CNBD1: variants seen among roughly 807,000 people sequenced by gnomAD.
The protein encoded by CNBD1 is cyclic nucleotide-binding domain-containing protein 1.
CNBD1 carries 71 observed loss-of-function variants against 54.4 expected under a neutral mutation model. The observed-to-expected ratio is 1.30, with a 90% CI of 1.08 to 1.59. CNBD1 has a LOEUF of 1.59. CNBD1 is among the 40% of genes most tolerant of loss of function. The pLI, the probability that CNBD1 is intolerant of heterozygous loss-of-function variation, is 0.00. For synonymous variants in CNBD1, 182 were observed against 170.7 expected, an observed-to-expected ratio of 1.07 and a Z score of -0.51; for missense variants, 659 against 518.0, an observed-to-expected ratio of 1.27 and a Z score of -2.64.
chr8:87,390,227 CA>C (rs1223084657), intron 2 of CNBD1, among the ~76,000 whole-genome samples: 1 of 152,112 alleles, frequency 6.6e-6, no homozygotes, highest in East Asian at 1.9e-4. Flanking sequence ...GTAATGGCAA[CA>C]AAAGCCAAAA....
intron 8 of CNBD1, among the ~76,000 whole-genome samples, chr8:87,328,289 G>A (rs1346307934): frequency 1.3e-5 from 2 of 151,936 alleles, no homozygotes; most frequent in African/African-American, 4.8e-5. Context: ...GACAACATAT[G>A]TGTGAATTTT....
At chr8:87,408,258 T>C (rs1162772612) in intron 2 of CNBD1, among the ~76,000 whole-genome samples, 1 of 152,040 alleles carries the variant, frequency 6.6e-6, no homozygotes, top group Non-Finnish European at 1.5e-5. Context: ...TACATTGTTT[T>C]CTCAGTGTTT....
At chr8:86,947,618 T>G (rs1488902376) in intron 4 of CNBD1, among the ~76,000 whole-genome samples, 1 of 152,118 alleles carries the variant, frequency 6.6e-6, no homozygotes, top group African/African-American at 2.4e-5. Context: ...TTTTCACTTT[T>G]TATTTTTTTA....
intron 6 of CNBD1, among the ~76,000 whole-genome samples, chr8:87,273,569 T>A (rs1808412593): frequency 6.6e-6 from 1 of 152,008 alleles, no homozygotes; most frequent in Non-Finnish European, 1.5e-5. Flanking sequence ...GGATGCAGCC[T>A]GAGCTGTTCA....
At chr8:87,297,767 T>G (rs1298973089) in intron 8 of CNBD1, among the ~76,000 whole-genome samples, 1 of 152,000 alleles carries the variant, frequency 6.6e-6, no homozygotes, top group East Asian at 1.9e-4. Context: ...ATATTTTAAT[T>G]TTCATTTTAA....
chr8:87,350,607 C>G (rs770767813), intron 8 of CNBD1, among the ~76,000 whole-genome samples: 2 of 151,642 alleles, frequency 1.3e-5, no homozygotes, highest in Non-Finnish European at 2.9e-5. Flanking sequence ...GATATATGCT[C>G]TTTTATGCTA....
intron 4 of CNBD1, among the ~76,000 whole-genome samples, chr8:87,131,583 G>T (rs1812118921): frequency 6.6e-6 from 1 of 151,806 alleles, no homozygotes; most frequent in South Asian, 2.1e-4. Flanking sequence ...TGCTGTAGTT[G>T]TATCTCATTA....
At chr8:87,008,346 A>G (rs547031405) in intron 4 of CNBD1, among the ~76,000 whole-genome samples, 3 of 152,290 alleles carry the variant, frequency 2.0e-5, no homozygotes, top group Non-Finnish European at 2.9e-5. Flanking sequence ...TTAGTTTTAG[A>G]AGCACTAAAT....
intron 4 of CNBD1, among the ~76,000 whole-genome samples, chr8:86,948,671 G>A (rs1807529742): frequency 6.6e-6 from 1 of 152,096 alleles, no homozygotes. Context: ...TCCCTTGTCA[G>A]AGGGGTAGTT....
At chr8:87,240,499 C>A (rs1271424988) in intron 6 of CNBD1, among the ~76,000 whole-genome samples, 1 of 152,070 alleles carries the variant, frequency 6.6e-6, no homozygotes, top group East Asian at 1.9e-4. Flanking sequence ...TAATGAATAA[C>A]CTCACTCTTT....
At chr8:87,099,061 CAAAA>C (rs1430726169) in intron 4 of CNBD1, among the ~76,000 whole-genome samples, 1,370 of 91,522 alleles carry the variant, frequency 0.015, 49 homozygotes, top group African/African-American at 0.051. Context: ...AAAAAAAAAA[CAAAA>C]CTCCAAATTT....
chr8:87,181,307 A>G (rs1813306067), intron 4 of CNBD1, among the ~76,000 whole-genome samples: 1 of 152,176 alleles, frequency 6.6e-6, no homozygotes, highest in Non-Finnish European at 1.5e-5. Flanking sequence ...CATCTGTGAA[A>G]CCATAGTTAC....
chr8:87,280,778 G>T (rs928835494), intron 6 of CNBD1, among the ~76,000 whole-genome samples: 4 of 151,456 alleles, frequency 2.6e-5, no homozygotes, highest in African/African-American at 7.3e-5. Context: ...GAGGGAGATT[G>T]TTCGGGTTAT....
chr8:87,373,914 A>C (rs1383759072), intron 10 of CNBD1, among the ~76,000 whole-genome samples: 1 of 151,816 alleles, frequency 6.6e-6, no homozygotes, highest in African/African-American at 2.4e-5. Context: ...TTTCATGATT[A>C]ATTTAAATAT....
intron 2 of CNBD1, among the ~76,000 whole-genome samples, chr8:87,390,093 T>C (rs9801931): frequency 2.0e-5 from 3 of 149,448 alleles, no homozygotes. Flanking sequence ...ATACAAAAAT[T>C]AATTCAAGAT....
intron 4 of CNBD1, among the ~76,000 whole-genome samples, chr8:87,198,852 G>T (rs988788560): frequency 6.6e-6 from 1 of 152,146 alleles, no homozygotes; most frequent in African/African-American, 2.4e-5. Context: ...AATTTATAAA[G>T]AAAAGGGGTT....
chr8:87,216,164 A>G (rs1163686869), intron 5 of CNBD1, among the ~76,000 whole-genome samples: 2 of 152,182 alleles, frequency 1.3e-5, no homozygotes, highest in Non-Finnish European at 2.9e-5. Flanking sequence ...AGACCAATGG[A>G]CACCAATAAT....
chr8:87,193,108 T>C (rs1255118208), intron 4 of CNBD1, among the ~76,000 whole-genome samples: 1 of 152,100 alleles, frequency 6.6e-6, no homozygotes, highest in African/African-American at 2.4e-5. Context: ...AAGCATTCAA[T>C]GAAAATAGAA....
intron 4 of CNBD1, among the ~76,000 whole-genome samples, chr8:87,112,077 G>A (rs1260173355): frequency 6.6e-6 from 1 of 152,142 alleles, no homozygotes; most frequent in Middle Eastern, 3.2e-3. Context: ...AACTGAGTCA[G>A]GTGGAGGGTC....
Sources: gnomAD v4.1 joint callset for allele counts (sites outside exome capture counted in the v4.1 genomes callset) on GRCh38, gnomAD v4.1.1 for gene constraint, MANE v1.5 for transcripts, NCBI Gene and HGNC (gene_info 2026-07-23, HGNC 2026-07-21) for gene names.